CNTNAP3B: variants seen among roughly 807,000 people sequenced by gnomAD.
The protein encoded by CNTNAP3B is contactin associated protein family member 3B.
CNTNAP3B carries 25 observed loss-of-function variants against 108.9 expected under a neutral mutation model. The observed-to-expected ratio is 0.23, with a 90% CI of 0.17 to 0.32. CNTNAP3B has a LOEUF of 0.32. Ranked by LOEUF, CNTNAP3B falls within the 10% of genes least tolerant of loss-of-function variation. The pLI, the probability that CNTNAP3B is intolerant of heterozygous loss-of-function variation, is 1.00. For synonymous variants in CNTNAP3B, 103 were observed against 473.4 expected, an observed-to-expected ratio of 0.22 and a Z score of 10.16; for missense variants, 252 against 1,210.4, an observed-to-expected ratio of 0.21 and a Z score of 11.75.
intron 3 of CNTNAP3B, among the ~76,000 whole-genome samples, chr9:42,066,689 G>T (rs1161036196): frequency 7.7e-6 from 1 of 130,138 alleles, no homozygotes; most frequent in African/African-American, 3.1e-5. Context: ...AAAGTGCTGG[G>T]ATTACAGGCA....
intron 18 of CNTNAP3B, among the ~76,000 whole-genome samples, chr9:41,917,444 C>A (rs1201582456): frequency 7.1e-6 from 1 of 141,444 alleles, no homozygotes; most frequent in Non-Finnish European, 1.5e-5. Flanking sequence ...GGGAGGGCTA[C>A]CAAGCTGTGT....
chr9:42,017,290 A>T (rs1036024934), intron 3 of CNTNAP3B, among the ~76,000 whole-genome samples: 1 of 134,568 alleles, frequency 7.4e-6, no homozygotes, highest in Non-Finnish European at 1.6e-5. Flanking sequence ...AATGTTAAGC[A>T]CATGGATAGT....
In CNTNAP3B at chr9:41,980,780, A is replaced by C. The variant is rs1190954396; in HGVS notation, c.1477+5388T>G. On this transcript the variant is annotated intron_variant, in intron 9 of 23. Coordinates refer to ENST00000377561, the MANE Select transcript of CNTNAP3B (RefSeq NM_001201380.3). ...AGCCACCTATGACAAACCCACAGCC[A>C]GCATCATACTGAATGGGCAAAAGAT... 8 of 141,460 alleles carry C rather than the reference A, an allele frequency of 5.7e-5. 1 individual carries two copies. Among genetic ancestry groups the C allele is most frequent in the Non-Finnish European group, 3.1e-5 (2 of 65,426 alleles). 8.8% of individuals were successfully genotyped at this position (141,460 alleles called of 1,614,324 possible).
chr9:41,939,684 T>A (rs1824273833), intron 13 of CNTNAP3B, among the ~76,000 whole-genome samples: 1 of 152,278 alleles, frequency 6.6e-6, no homozygotes, highest in Admixed American at 6.5e-5. Context: ...CTGTCGCAGA[T>A]TAAAGAGCAA....
rs1197734547 is a variant in CNTNAP3B, at chr9:42,077,570, A to C, written c.197-508T>G. On this transcript the variant is annotated intron_variant, in intron 2 of 23. Transcript: ENST00000377561. ...CCCACTTACATGTGGAATTCTAAAA[A>C]GTTGATTTCACAAAAGTACAGAGGA... 4.5e-5 allele frequency among the ~76,000 whole-genome samples: 6 copies of C among 132,158 alleles called. 2 individuals carry two copies. Among genetic ancestry groups the C allele is most frequent in the African/African-American group, 1.8e-4 (6 of 32,846 alleles). 86.7% of individuals were successfully genotyped at this position (132,158 alleles called of 152,430 possible).
chr9:42,124,894 A>G (rs2482756), intron 1 of CNTNAP3B, among the ~76,000 whole-genome samples: 1 of 138,764 alleles, frequency 7.2e-6, no homozygotes, highest in African/African-American at 2.9e-5. Flanking sequence ...TTTATTTTTA[A>G]TCTACATCTC....
chr9:42,024,020 G>C (rs1826369421), intron 3 of CNTNAP3B, among the ~76,000 whole-genome samples: 2 of 151,142 alleles, frequency 1.3e-5, no homozygotes, highest in African/African-American at 2.5e-5. Context: ...TAGTAGCCAG[G>C]TCAGCTAGCA....
At chr9:41,934,443 G>T (rs1370783024) in intron 14 of CNTNAP3B, among the ~76,000 whole-genome samples, 4 of 152,342 alleles carry the variant, frequency 2.6e-5, no homozygotes, top group African/African-American at 9.6e-5. Context: ...GGATGGTCTC[G>T]ATCTTCTGAC....
chr9:42,087,305 T>A (rs1827723685), intron 2 of CNTNAP3B, among the ~76,000 whole-genome samples: 1 of 136,110 alleles, frequency 7.3e-6, no homozygotes, highest in Admixed American at 7.3e-5. Context: ...CACTCCTACA[T>A]GTTTTGTTGG....
chr9:41,992,614 ATCC>A (rs1649387670), intron 7 of CNTNAP3B, among the ~76,000 whole-genome samples: 1 of 147,836 alleles, frequency 6.8e-6, no homozygotes, highest in Non-Finnish European at 1.5e-5. Context: ...TTTGTTTCTC[ATCC>A]TCTTTAATTT....
chr9:41,939,750 T>G (rs1368165477), intron 13 of CNTNAP3B, among the ~76,000 whole-genome samples: 2 of 152,238 alleles, frequency 1.3e-5, no homozygotes, highest in African/African-American at 4.8e-5. Context: ...TCTCCCATAT[T>G]CCCCATAAAG....
intron 15 of CNTNAP3B, among the ~76,000 whole-genome samples, chr9:41,927,999 AAG>A (rs1823866591): frequency 6.7e-6 from 1 of 150,138 alleles, no homozygotes; most frequent in African/African-American, 2.5e-5. Context: ...TTTTTCTTAA[AAG>A]AGAACAGAAT....
At chr9:41,964,916 A>G (rs1281763289) in intron 10 of CNTNAP3B, among the ~76,000 whole-genome samples, 1 of 152,266 alleles carries the variant, frequency 6.6e-6, no homozygotes, top group African/African-American at 2.4e-5. Context: ...ATAACTTGAC[A>G]TGTGGCTAGC....
At position 42,102,006 on chromosome 9, in the gene CNTNAP3B, G is replaced by A. The variant is rs1427662324; in HGVS notation, c.196+2623C>T. 4.2e-4 allele frequency among the ~76,000 whole-genome samples: 34 copies of A among 80,656 alleles called. 13 individuals carry two copies. The highest frequency in any genetic ancestry group is 1.4e-3 in the African/African-American group (29 of 20,518). The allele number at this position is 80,656 out of a possible 152,430, so 52.9% of individuals were successfully genotyped here. On this transcript the variant is annotated intron_variant, in intron 2 of 23. Transcript: ENST00000377561. ...CAGGAGGCGGAGCTTGCAGTGAGCC[G>A]AGATTGCACCACTGCACTCCAGCCT...
At chr9:42,056,868 T>G (rs1441588244) in intron 3 of CNTNAP3B, among the ~76,000 whole-genome samples, 1 of 72,776 alleles carries the variant, frequency 1.4e-5, no homozygotes, top group African/African-American at 6.9e-5. Context: ...AATGTGGTCT[T>G]GGTTTTACAT....
chr9:41,950,806 G>C lies in CNTNAP3B; in HGVS notation c.2080+2377C>G, dbSNP rs1430353843. Among the ~76,000 whole-genome samples, 4 of 137,800 alleles carry C rather than the reference G, an allele frequency of 2.9e-5. No individual in the cohort carries two copies. The East Asian group carries it at 6.8e-4, about 23-fold the overall frequency. 90.4% of individuals were successfully genotyped at this position (137,800 alleles called of 152,430 possible). The stretch of plus-strand genomic sequence containing the variant: ...AACGGAGTCTTGCTCTGTCGCCCAG[G>C]CTGGAGTGCAGTGGCGCCATCTCGG... On this transcript the variant is annotated intron_variant, in intron 13 of 23. Transcript: ENST00000377561.
At chr9:41,924,943 T>A (rs1823772807) in intron 15 of CNTNAP3B, among the ~76,000 whole-genome samples, 1 of 152,120 alleles carries the variant, frequency 6.6e-6, no homozygotes, top group Admixed American at 6.5e-5. Flanking sequence ...GGATTCATGT[T>A]GTGCATTTTT....
chr9:41,962,159 A>C (rs1249059176), intron 11 of CNTNAP3B, among the ~76,000 whole-genome samples: 1 of 152,206 alleles, frequency 6.6e-6, no homozygotes, highest in Non-Finnish European at 1.5e-5. Context: ...AATTAATTAT[A>C]TACAATGAGT....
intron 18 of CNTNAP3B, among the ~76,000 whole-genome samples, chr9:41,916,041 C>T (rs1241014885): frequency 1.3e-5 from 2 of 151,312 alleles, no homozygotes; most frequent in Non-Finnish European, 3.0e-5. Context: ...CATACCAAAC[C>T]CATTATTATT....
Sources: gnomAD v4.1 joint callset for allele counts (sites outside exome capture counted in the v4.1 genomes callset) on GRCh38, gnomAD v4.1.1 for gene constraint, MANE v1.5 for transcripts, NCBI Gene and HGNC (gene_info 2026-07-23, HGNC 2026-07-21) for gene names.